Variants in DNAH5 observed in about 807,000 individuals in gnomAD.
DNAH5 encodes axonemal beta dynein heavy chain 5.
A neutral mutation model predicts 518.2 loss-of-function variants in DNAH5; 372 were observed. That is an observed-to-expected ratio of 0.72 (90% CI 0.66 to 0.78). The LOEUF is 0.78. Among genes scored for constraint, DNAH5 ranks in the 30% least tolerant of loss-of-function variants. The pLI is 0.00. For missense variants in DNAH5, 5,523 were observed against 5,687.0 expected (o/e 0.97, Z 0.93); for synonymous variants, 2,039 against 2,025.9 (o/e 1.01, Z -0.17).
Position 13,870,870 on chromosome 5 carries a change from T to C in DNAH5, c.3731A>G (p.Asn1244Ser), listed in dbSNP as rs1769994347. The change falls in exon 24 of 79, where the codon AAT becomes AGT. Residue 1244 changes from asparagine (N) to serine (S), a missense_variant. Around this residue, in one of 3 missense-constraint regions of DNAH5, gnomAD observed 5,121 missense variants for 5,223.3 expected, o/e 0.98. Coordinates refer to ENST00000265104, the MANE Select transcript of DNAH5 (RefSeq NM_001369.3). ...MLIEEFNKKL[N>S]RPIKDLDDIR... Reference sequence around the variant, plus strand: ...ATCATCTAGGTCCTTAATTGGACGATTTAGTTTCTTATTGAATTCTTCAAT... The same window carrying C: ...ATCATCTAGGTCCTTAATTGGACGACTTAGTTTCTTATTGAATTCTTCAAT... The C allele has an allele frequency of 6.2e-7, 1 of 1,613,912 alleles. No individual in the cohort carries two copies. The highest frequency in any genetic ancestry group is 2.2e-5 in the East Asian group (1 of 44,878).
intron 21 of DNAH5, among the ~76,000 whole-genome samples, chr5:13,877,397 G>A (rs1173779247): frequency 5.9e-5 from 9 of 152,190 alleles, no homozygotes; most frequent in Non-Finnish European, 8.8e-5. Context: ...ACAGCTACCT[G>A]AGGCAATGAT....
intron 65 of DNAH5, among the ~76,000 whole-genome samples, chr5:13,738,555 G>A (rs1278935555): frequency 1.3e-5 from 2 of 152,208 alleles, no homozygotes; most frequent in Non-Finnish European, 2.9e-5. Flanking sequence ...ACAGCTGGGA[G>A]AGTGAAGCCT....
At chr5:13,753,909 C>G (rs1429735189) in intron 62 of DNAH5, among the ~76,000 whole-genome samples, 1 of 152,090 alleles carries the variant, frequency 6.6e-6, no homozygotes, top group Non-Finnish European at 1.5e-5. Flanking sequence ...CTAAAGTGAC[C>G]TGATAATAAA....
At chr5:14,004,266 A>G (rs1784567647) in intron 1 of DNAH5, among the ~76,000 whole-genome samples, 1 of 152,210 alleles carries the variant, frequency 6.6e-6, no homozygotes, top group South Asian at 2.1e-4. Flanking sequence ...CCTGTGAAAT[A>G]TCAGGCCACA....
intron 22 of DNAH5, among the ~76,000 whole-genome samples, chr5:13,873,994 G>T (rs1770514433): frequency 6.6e-6 from 1 of 152,112 alleles, no homozygotes; most frequent in African/African-American, 2.4e-5. Flanking sequence ...GCACCAAGCT[G>T]CACCAAACCA....
rs1183245932 is a variant in DNAH5, at chr5:13,859,491, A to G, written c.4911T>C (p.Ala1637=). ...TGGCAATGTCTCCTCCCACAAAGACAGCTTCTAAATAAATCCACAGGTTTT... is the reference window on the plus strand; with the variant it reads ...TGGCAATGTCTCCTCCCACAAAGACGGCTTCTAAATAAATCCACAGGTTTT... ...TVQNLWIYLE[A]VFVGGDIAKQ... Residue 1637 remains alanine, a synonymous_variant, in exon 30 of 79, where the codon GCT becomes GCC. Coordinates refer to ENST00000265104, the MANE Select transcript of DNAH5 (RefSeq NM_001369.3). The G allele has an allele frequency of 1.2e-6, 2 of 1,614,142 alleles. No individual in the cohort carries two copies. The highest frequency in any genetic ancestry group is 1.7e-6 in the Non-Finnish European group (2 of 1,179,986).
At chr5:13,915,251 G>C (rs1425688308) in intron 9 of DNAH5, among the ~76,000 whole-genome samples, 2 of 152,006 alleles carry the variant, frequency 1.3e-5, no homozygotes, top group Non-Finnish European at 2.9e-5. Context: ...GCAAGGGGTG[G>C]GGGTATAGGT....
rs191457393 is a variant in DNAH5, at chr5:13,967,897, G to A, written c.13-36653C>T. 1.5e-3 allele frequency among the ~76,000 whole-genome samples: 228 copies of A among 151,706 alleles called. 2 individuals carry two copies. Among genetic ancestry groups the A allele is most frequent in the African/African-American group, 5.2e-3 (215 of 41,470 alleles). On this transcript the variant is annotated intron_variant, in intron 1 of 78. Transcript: ENST00000681290. ...GGGAATTGCATTGAATTTGTAGATT[G>A]CTTTTGGCCACACGGTCATTTTCAC... is the stretch of plus-strand genomic sequence containing the variant.
intron 40 of DNAH5, among the ~76,000 whole-genome samples, chr5:13,822,609 G>A (rs2151819505): frequency 6.6e-6 from 1 of 152,262 alleles, no homozygotes; most frequent in South Asian, 2.1e-4. Flanking sequence ...ATAAATATGA[G>A]CTAATCACCA....
intron 1 of DNAH5, among the ~76,000 whole-genome samples, chr5:13,975,301 GA>G (rs1782165949): frequency 6.6e-6 from 1 of 152,148 alleles, no homozygotes; most frequent in Non-Finnish European, 1.5e-5. Flanking sequence ...CAGTGTGGGG[GA>G]AACCATCCCC....
Position 13,737,332 on chromosome 5 carries a change from G to T in DNAH5, c.11375C>A (p.Ala3792Asp). 6.2e-7 allele frequency: 1 copy of T among 1,613,980 alleles called. No individual in the cohort carries two copies. The highest frequency in any genetic ancestry group is 8.5e-7 in the Non-Finnish European group (1 of 1,179,984). ...TTCTAGCTTCTGTGTCACCTCCTCG[G>T]CTGTCCTTTTTGTGTTACTCAGCAC... Reference protein sequence around the residue: ...IVVLSNTKRTAEEVTQKLEIS... With the variant: ...IVVLSNTKRTDEEVTQKLEIS... The change falls in exon 66 of 79, where the codon GCC (alanine) becomes GAC (aspartate). Residue 3792 changes from alanine (A) to aspartate (D), a missense_variant. By Grantham distance (126) the Ala-to-Asp change is moderately radical (BLOSUM62 -2). Transcript: ENST00000265104.
intron 21 of DNAH5, 115 bp from the exon 22 acceptor site, chr5:13,876,932 AT>A (rs1770980645): frequency 9.5e-7 from 1 of 1,050,286 alleles, no homozygotes; most frequent in Middle Eastern, 3.0e-4. Context: ...CTTCTCCTTT[AT>A]AAAAACAATG....
intron 1 of DNAH5, among the ~76,000 whole-genome samples, chr5:13,971,405 T>A (rs1366886770): frequency 1.3e-5 from 2 of 152,176 alleles, no homozygotes; most frequent in African/African-American, 4.8e-5. Flanking sequence ...GGTAGACTAT[T>A]ATCAGAGAAA....
Position 13,911,505 on chromosome 5 carries a change from TGAG to T in DNAH5, c.1537-15_1537-13del. 1 of 1,582,908 alleles carries T rather than the reference TGAG, an allele frequency of 6.3e-7. No individual in the cohort carries two copies. Among genetic ancestry groups the T allele is most frequent in the Non-Finnish European group, 8.7e-7 (1 of 1,152,462 alleles). The stretch of plus-strand genomic sequence containing the variant: ...GTTGCCACAATGCCCTGAAATATTA[TGAG>T]ATAAATTAGATAATATTTCAATATT... On this transcript the variant is annotated splice_polypyrimidine_tract_variant and intron_variant, in intron 11 of 78. Transcript: ENST00000265104.
At chr5:13,976,941 A>T (rs1782306858) in intron 1 of DNAH5, among the ~76,000 whole-genome samples, 1 of 152,192 alleles carries the variant, frequency 6.6e-6, no homozygotes, top group African/African-American at 2.4e-5. Context: ...TAAAACTTCC[A>T]GGTATTTTCT....
At chr5:13,772,806 C>G (rs1753525700) in intron 55 of DNAH5, among the ~76,000 whole-genome samples, 1 of 152,092 alleles carries the variant, frequency 6.6e-6, no homozygotes, top group Non-Finnish European at 1.5e-5. Flanking sequence ...TTCTTATGAT[C>G]TAAATGAAAT....
At position 13,807,604 on chromosome 5, in the gene DNAH5, G is replaced by C; in HGVS notation, c.7874C>G (p.Pro2625Arg). ...KSLNFSSATT[P>R]LMFQRTIESY... ...AAGAGCCAGTACCTGGAACATCAGT[G>C]GGGTGGTTGCAGAAGAAAAATTCAG... is the stretch of plus-strand genomic sequence containing the variant. Residue 2625 changes from proline to arginine, a missense_variant, in exon 47 of 79, where the codon CCA becomes CGA. By Grantham distance (103) the Pro-to-Arg change is moderately radical (BLOSUM62 -2). Around this residue, in one of 3 missense-constraint regions of DNAH5, gnomAD observed 5,121 missense variants for 5,223.3 expected, o/e 0.98. Transcript: ENST00000265104. 6.2e-7 allele frequency: 1 copy of C among 1,613,596 alleles called. No individual in the cohort carries two copies.
intron 12 of DNAH5, among the ~76,000 whole-genome samples, chr5:13,906,825 T>C (rs1160875095): frequency 6.6e-6 from 1 of 152,086 alleles, no homozygotes; most frequent in South Asian, 2.1e-4. Flanking sequence ...ACAGCAATAG[T>C]GACCCTTCGT....
intron 32 of DNAH5, among the ~76,000 whole-genome samples, chr5:13,844,346 G>A (rs10040961): frequency 0.4 from 60,751 of 151,940 alleles, 12,515 homozygotes; most frequent in East Asian, 0.61. Flanking sequence ...ATAGATTTCC[G>A]CAGCTGTGCA....
Sources: gnomAD v4.1 joint callset for allele counts (sites outside exome capture counted in the v4.1 genomes callset) on GRCh38, gnomAD v4.1.1 for gene constraint, gnomAD v4.1.1 regional missense constraint, MANE v1.5 for transcripts, NCBI Gene and HGNC (gene_info 2026-07-23, HGNC 2026-07-21) for gene names.